LARGE1: variants seen among roughly 807,000 people sequenced by gnomAD.
LARGE1 encodes LARGE xylosyl- and glucuronyltransferase 1.
LARGE1 carries 43 observed loss-of-function variants against 87.6 expected under a neutral mutation model. The observed-to-expected ratio is 0.49, with a 90% CI of 0.38 to 0.63. The LOEUF (loss-of-function observed/expected upper bound fraction) is 0.63. LARGE1 is among the 30% of genes least tolerant of loss of function. The probability of loss-of-function intolerance (pLI) is 0.00; values close to 1 mark genes in which losing one functional copy is unlikely to be tolerated. For missense variants in LARGE1, 802 were observed against 1,000.2 expected (o/e 0.80, Z 2.67); for synonymous variants, 434 against 394.6 (o/e 1.10, Z -1.18).
At chr22:33,430,614 A>G (rs1209909723) in intron 7 of LARGE1, among the ~76,000 whole-genome samples, 2 of 152,208 alleles carry the variant, frequency 1.3e-5, no homozygotes, top group African/African-American at 2.4e-5. Flanking sequence ...AGAGCAAGGC[A>G]TATCTAATAC....
chr22:33,724,926 G>A (rs1330960978), intron 2 of LARGE1: 1 of 152,450 alleles, frequency 6.6e-6, no homozygotes, highest in African/African-American at 2.4e-5. Flanking sequence ...GGAAGGAAAG[G>A]TGGGGTGGGA....
rs117293860 is a variant in LARGE1 at position 33,891,517 on chromosome 22, T to A, written c.-83+28478A>T. On this transcript the variant is annotated intron_variant, in intron 1 of 14. Transcript: ENST00000397394. The stretch of plus-strand genomic sequence containing the variant: ...TGCAGGAAGGAGAATGAGAATACGA[T>A]GTTACTGCATGACTTTAGCAAGTAA... Among the ~76,000 whole-genome samples the A allele has an allele frequency of 9.9e-5, 15 of 152,074 alleles. No homozygotes were observed. In the East Asian group the frequency reaches 2.9e-3, roughly 29 times the overall value.
chr22:33,216,597 C>CAAAAAAAAAAA (rs71673655), intron 11 of LARGE1, among the ~76,000 whole-genome samples: 1 of 122,622 alleles, frequency 8.2e-6, no homozygotes, highest in Non-Finnish European at 1.7e-5. Context: ...CACTCCATCT[C>CAAAAAAAAAAA]AAAAAAAAAA....
chr22:33,475,275 T>C (rs1361607769), intron 6 of LARGE1, among the ~76,000 whole-genome samples: 2 of 152,102 alleles, frequency 1.3e-5, no homozygotes, highest in African/African-American at 4.8e-5. Flanking sequence ...GCATATCTCT[T>C]AATTGGTCTC....
chr22:33,876,275 C>T (rs2064462635), intron 1 of LARGE1, among the ~76,000 whole-genome samples: 1 of 151,972 alleles, frequency 6.6e-6, no homozygotes, highest in Non-Finnish European at 1.5e-5. Flanking sequence ...TAACTCCAAC[C>T]ATTGGGATTT....
At chr22:33,625,448 G>C (rs1173496362) in intron 4 of LARGE1, among the ~76,000 whole-genome samples, 2 of 152,170 alleles carry the variant, frequency 1.3e-5, no homozygotes, top group African/African-American at 4.8e-5. Flanking sequence ...GTTCCCATGG[G>C]GGTCCACGAG....
intron 11 of LARGE1, 25 bp from the exon 12 acceptor site, chr22:33,304,532 C>T (rs374510368): frequency 3.9e-6 from 6 of 1,549,546 alleles, no homozygotes; most frequent in Admixed American, 1.9e-5. Flanking sequence ...GAGGGTGAGC[C>T]GCGGGACCTG....
chr22:33,212,090 T>A (rs1924993353), intron 11 of LARGE1, among the ~76,000 whole-genome samples: 1 of 152,112 alleles, frequency 6.6e-6, no homozygotes, highest in Non-Finnish European at 1.5e-5. Context: ...AAGCTGAAGT[T>A]ATCCAGAAGA....
At chr22:33,451,599 G>GC (rs1569175397) in intron 6 of LARGE1, among the ~76,000 whole-genome samples, 3 of 145,760 alleles carry the variant, frequency 2.1e-5, no homozygotes, top group African/African-American at 7.7e-5. Flanking sequence ...TCGCTATGTC[G>GC]CCAGGCTGGA....
chr22:33,272,910 A>T lies in LARGE1; in HGVS notation c.*1517T>A, dbSNP rs1347847315. 1 of 152,694 alleles carries T rather than the reference A, an allele frequency of 6.5e-6. No individual in the cohort carries two copies. Among genetic ancestry groups the T allele is most frequent in the Non-Finnish European group, 1.5e-5 (1 of 68,144 alleles). 9.5% of individuals were successfully genotyped at this position (152,694 alleles called of 1,614,324 possible). On this transcript the variant is annotated 3_prime_UTR_variant, in exon 15 of 15. Transcript: ENST00000397394. ...TGAAGATGGTTTGAGTTAGAGACAGAGTGGGATCTAACTTCAGGCAAAAGG... is the reference window on the plus strand; with the variant it reads ...TGAAGATGGTTTGAGTTAGAGACAGTGTGGGATCTAACTTCAGGCAAAAGG...
chr22:33,480,667 A>G (rs754920725), intron 6 of LARGE1, among the ~76,000 whole-genome samples: 11 of 152,204 alleles, frequency 7.2e-5, no homozygotes, highest in Non-Finnish European at 1.3e-4. Flanking sequence ...AAAACAAAAA[A>G]AATTCCTTTC....
At chr22:33,149,932 T>C in the LARGE1 span, among the ~76,000 whole-genome samples, 207 of 152,344 alleles carry the variant, frequency 1.4e-3, no homozygotes, top group Non-Finnish European at 2.6e-3. Flanking sequence ...TCTACGTAAT[T>C]ATTTTTTATC....
intron 1 of LARGE1, among the ~76,000 whole-genome samples, chr22:33,883,050 A>C (rs145541234): frequency 1.3e-5 from 2 of 152,332 alleles, no homozygotes; most frequent in East Asian, 3.9e-4. Flanking sequence ...AGAATGGGTT[A>C]GAAGATTTCT....
At chr22:33,751,824 G>A (rs1302501472) in intron 2 of LARGE1, among the ~76,000 whole-genome samples, 2 of 151,464 alleles carry the variant, frequency 1.3e-5, no homozygotes, top group African/African-American at 4.9e-5. Flanking sequence ...CTGGAGTGCA[G>A]TGGCATGATC....
At chr22:33,282,336 GCT>G (rs752424290) in intron 13 of LARGE1, among the ~76,000 whole-genome samples, 1 of 151,958 alleles carries the variant, frequency 6.6e-6, no homozygotes, top group East Asian at 1.9e-4. Context: ...TAAAAGCGAA[GCT>G]CTGTCTCAAA....
At chr22:33,899,649 C>G (rs2075258448) in intron 1 of LARGE1, among the ~76,000 whole-genome samples, 3 of 152,104 alleles carry the variant, frequency 2.0e-5, no homozygotes. Flanking sequence ...TCACTGTGCC[C>G]AGTACAGTGC....
At chr22:33,703,494 G>GTT (rs2082462543) in intron 2 of LARGE1, among the ~76,000 whole-genome samples, 1 of 152,198 alleles carries the variant, frequency 6.6e-6, no homozygotes, top group Admixed American at 6.5e-5. Flanking sequence ...GGACTTTGTA[G>GTT]GTATGATTAA....
intron 7 of LARGE1, among the ~76,000 whole-genome samples, chr22:33,418,464 A>G (rs1284575027): frequency 2.0e-5 from 3 of 152,352 alleles, no homozygotes; most frequent in African/African-American, 7.2e-5. Flanking sequence ...AATCAAAAAC[A>G]TATTTTATAA....
chr22:33,119,464 A>G, the LARGE1 span, among the ~76,000 whole-genome samples: 12 of 152,032 alleles, frequency 7.9e-5, no homozygotes, highest in Admixed American at 5.2e-4. Flanking sequence ...TGTTTTCCCC[A>G]AGGTATGTTT....
Sources: gnomAD v4.1 joint callset for allele counts (sites outside exome capture counted in the v4.1 genomes callset) on GRCh38, gnomAD v4.1.1 for gene constraint, MANE v1.5 for transcripts, NCBI Gene and HGNC (gene_info 2026-07-23, HGNC 2026-07-21) for gene names.